DST: variants seen among roughly 807,000 people sequenced by gnomAD.
The protein encoded by DST is bullous pemphigoid antigen.
DST carries 253 observed loss-of-function variants against 875.2 expected under a neutral mutation model. The ratio of observed to expected loss-of-function variants is 0.29; its 90% CI spans 0.26 to 0.32. The LOEUF is 0.32. Among genes scored for constraint, DST ranks in the 10% least tolerant of loss-of-function variants. The pLI is 1.00. For missense variants in DST, 8,287 were observed against 9,111.6 expected (o/e 0.91, Z 3.68); for synonymous variants, 3,124 against 3,197.1 (o/e 0.98, Z 0.77).
At chr6:56,679,315 A>G (rs1467978051) in intron 9 of DST, among the ~76,000 whole-genome samples, 1 of 152,006 alleles carries the variant, frequency 6.6e-6, no homozygotes, top group Admixed American at 6.6e-5. Flanking sequence ...CCTAAGCTAT[A>G]AATGTCTACC....
chr6:56,499,476 T>G (rs1028247387), intron 80 of DST, among the ~76,000 whole-genome samples: 2 of 152,156 alleles, frequency 1.3e-5, no homozygotes. Context: ...GAGAGTTCTA[T>G]AAAATTCATT....
intron 3 of DST, among the ~76,000 whole-genome samples, chr6:56,884,792 G>C (rs1351597102): frequency 6.6e-6 from 1 of 151,872 alleles, no homozygotes; most frequent in African/African-American, 2.4e-5. Context: ...GCAATGGCGC[G>C]ATCTCGGCTC....
rs775611596 is a variant in DST, at chr6:56,617,960, A to T, written c.4930-3476T>A. The T allele has an allele frequency of 2.5e-6, 4 of 1,588,460 alleles. No individual in the cohort carries two copies. The African/African-American group carries it at 5.4e-5, about 21-fold the overall frequency. ...GAGGAAACTTGACATTAGGTAGCTG[A>T]TAAGGTCTCAGAACACAGAGTATAC... On this transcript the variant is annotated intron_variant, in intron 36 of 103. Coordinates refer to ENST00000680361, the MANE Select transcript of DST (RefSeq NM_001374736.1).
At chr6:56,464,051 G>GA in intron 100 of DST, 1 of 463,642 alleles carries the variant, frequency 2.2e-6, no homozygotes, top group South Asian at 2.0e-5. Flanking sequence ...GTGTCAGCAT[G>GA]AAAATGGAAA....
intron 2 of DST, among the ~76,000 whole-genome samples, chr6:56,916,823 C>CACACACAGAGAG (rs555473872): frequency 5.7e-5 from 8 of 140,698 alleles, no homozygotes; most frequent in African/African-American, 2.2e-4. Flanking sequence ...CACACACACA[C>CACACACAGAGAG]AGAGAGACAG....
At chr6:56,655,047 G>T (rs918228807) in intron 10 of DST, among the ~76,000 whole-genome samples, 4 of 151,506 alleles carry the variant, frequency 2.6e-5, no homozygotes, top group African/African-American at 9.7e-5. Context: ...TGTAACCCCA[G>T]CTACTCGGGA....
chr6:56,461,838 A>C (rs2094346235), intron 102 of DST: 1 of 152,236 alleles, frequency 6.6e-6, no homozygotes, highest in Non-Finnish European at 1.5e-5. Context: ...AATATATAAT[A>C]CTAACATCAC....
At chr6:56,495,046 G>A (rs1323721282) in intron 82 of DST, among the ~76,000 whole-genome samples, 3 of 151,256 alleles carry the variant, frequency 2.0e-5, no homozygotes, top group Admixed American at 6.6e-5. Context: ...ATATTCACAA[G>A]GTTTTGTAAT....
chr6:56,750,004 C>T (rs1161038599), intron 4 of DST, among the ~76,000 whole-genome samples: 1 of 152,182 alleles, frequency 6.6e-6, no homozygotes, highest in African/African-American at 2.4e-5. Flanking sequence ...GGCTCTGCCG[C>T]TACCACCACC....
intron 2 of DST, among the ~76,000 whole-genome samples, chr6:56,910,239 T>C (rs1245504501): frequency 1.4e-4 from 21 of 152,176 alleles, no homozygotes. Context: ...TGATCATAGC[T>C]CACTGTAGCC....
chr6:56,659,833 T>C (rs2099029635), intron 10 of DST, among the ~76,000 whole-genome samples: 1 of 151,830 alleles, frequency 6.6e-6, no homozygotes. Context: ...AAAAGATGAA[T>C]ATATACAAGA....
chr6:56,739,833 A>C (rs559159749), intron 4 of DST, among the ~76,000 whole-genome samples: 36 of 152,168 alleles, frequency 2.4e-4, no homozygotes, highest in African/African-American at 8.7e-4. Context: ...TGAATAATCC[A>C]CCCCTTGTTT....
At chr6:56,468,858 A>G in intron 98 of DST, 124 bp downstream of exon 98, 3 of 725,968 alleles carry the variant, frequency 4.1e-6, no homozygotes, top group Non-Finnish European at 6.6e-6. Flanking sequence ...CACCACGCCA[A>G]CCAACAATGT....
chr6:56,650,876 T>C (rs2098971902), intron 12 of DST, 50 bp downstream of exon 12: 4 of 1,132,594 alleles, frequency 3.5e-6, no homozygotes, highest in African/African-American at 1.6e-5. Flanking sequence ...ATGCAGTCAA[T>C]TGGTCATTAC....
At chr6:56,572,363 C>T in intron 52 of DST, 97 bp from the exon 53 acceptor site, 1 of 696,098 alleles carries the variant, frequency 1.4e-6, no homozygotes, top group Non-Finnish European at 2.2e-6. Flanking sequence ...TGGCTCTATT[C>T]ATAATTTCAC....
chr6:56,746,903 T>A (rs1042872845), intron 4 of DST, among the ~76,000 whole-genome samples: 5 of 152,082 alleles, frequency 3.3e-5, no homozygotes, highest in Non-Finnish European at 5.9e-5. Context: ...ACTCCAGGCG[T>A]GACTGGACTT....
chr6:56,614,751 A>T, intron 36 of DST: 1 of 1,071,676 alleles, frequency 9.3e-7, no homozygotes, highest in Non-Finnish European at 1.1e-6. Context: ...TACAAATTTT[A>T]AATCTCAACT....
chr6:56,466,354 G>A (rs2094575577), intron 98 of DST, 159 bp from the exon 99 acceptor site: 4 of 443,214 alleles, frequency 9.0e-6, no homozygotes, highest in Non-Finnish European at 1.2e-5. Context: ...AATGATTTGT[G>A]TTAGACGGCT....
chr6:56,778,258 C>G (rs1299251088), intron 4 of DST, among the ~76,000 whole-genome samples: 1 of 151,540 alleles, frequency 6.6e-6, no homozygotes, highest in Non-Finnish European at 1.5e-5. Context: ...CAAAATTGTC[C>G]AGGTTATCAT....
Sources: allele counts gnomAD v4.1 joint callset (sites outside exome capture counted in the v4.1 genomes callset), GRCh38; gene constraint gnomAD v4.1.1; transcripts MANE v1.5; gene names NCBI Gene and HGNC (gene_info 2026-07-23, HGNC 2026-07-21).